The following KIAA1549L variants were observed in gnomAD, a reference collection of about 807,000 sequenced individuals.
KIAA1549L encodes KIAA1549 like.
In KIAA1549L, 88 loss-of-function variants were observed where a neutral mutation model predicts 160.7. The observed-to-expected ratio is 0.55, with a 90% confidence interval of 0.46 to 0.65. The LOEUF is 0.65. KIAA1549L is among the 30% of genes least tolerant of loss of function. The pLI is 0.00. For synonymous variants in KIAA1549L, 950 were observed against 976.7 expected (o/e 0.97, Z 0.51); for missense variants, 2,258 against 2,437.5 (o/e 0.93, Z 1.55).
intron 1 of KIAA1549L, among the ~76,000 whole-genome samples, chr11:33,386,161 A>G (rs1212330421): frequency 6.6e-6 from 1 of 152,204 alleles, no homozygotes; most frequent in Non-Finnish European, 1.5e-5. Context: ...TGATCCTGGC[A>G]TTGGAGGGAA....
intron 14 of KIAA1549L, among the ~76,000 whole-genome samples, chr11:33,608,124 TGCCTCAGGGGTTTGA>T (rs1447956736): frequency 6.6e-6 from 1 of 152,238 alleles, no homozygotes; most frequent in Non-Finnish European, 1.5e-5. Flanking sequence ...TCTCAAGCCA[TGCCTCAGGGGTTTGA>T]GCCTCAGATC....
At chr11:33,507,855 C>G (rs1444395155) in intron 1 of KIAA1549L, among the ~76,000 whole-genome samples, 1 of 152,206 alleles carries the variant, frequency 6.6e-6, no homozygotes, top group Non-Finnish European at 1.5e-5. Context: ...TGAATTCACT[C>G]TAGCTAGTTT....
intron 1 of KIAA1549L, among the ~76,000 whole-genome samples, chr11:33,387,420 C>T (rs1226721271): frequency 6.6e-6 from 1 of 152,126 alleles, no homozygotes; most frequent in Non-Finnish European, 1.5e-5. Flanking sequence ...ATTCTCCTGC[C>T]TCAGCCTCCC....
At chr11:33,483,445 T>G (rs1852455407) in intron 1 of KIAA1549L, among the ~76,000 whole-genome samples, 1 of 152,106 alleles carries the variant, frequency 6.6e-6, no homozygotes, top group African/African-American at 2.4e-5. Flanking sequence ...TGGTGGGCAT[T>G]ACACATATAT....
chr11:33,656,075 C>T lies in KIAA1549L; in HGVS notation c.5824C>T (p.Arg1942Trp), dbSNP rs766316206. The T allele has an allele frequency of 4.3e-6, 7 of 1,613,770 alleles. No homozygotes were observed. The highest frequency in any genetic ancestry group is 3.3e-4 in the Middle Eastern group (2 of 6,060). Reference protein sequence around the residue: ...MGSPPPPVPPRTGPVAVASLR... With the variant: ...MGSPPPPVPPWTGPVAVASLR... The stretch of plus-strand genomic sequence containing the variant: ...CTCACCGCCTCCACCCGTACCTCCC[C>T]GGACTGGTCCTGTGGCTGTCGCTTC... The change falls in exon 18 of 21, where the codon CGG becomes TGG. Residue 1942 changes from arginine (R) to tryptophan (W), a missense_variant. Physicochemically the swap from Arg to Trp is moderately radical, Grantham distance 101. Coordinates refer to ENST00000658780, the MANE Select transcript of KIAA1549L (RefSeq NM_012194.3).
chr11:33,637,701 C>T (rs775453198), intron 16 of KIAA1549L, among the ~76,000 whole-genome samples: 64 of 152,182 alleles, frequency 4.2e-4, no homozygotes, highest in Non-Finnish European at 8.7e-4. Context: ...TTATGAAAGG[C>T]CATCTCTTCC....
chr11:33,535,949 C>T (rs913192133), intron 1 of KIAA1549L, among the ~76,000 whole-genome samples: 1 of 152,216 alleles, frequency 6.6e-6, no homozygotes, highest in Non-Finnish European at 1.5e-5. Context: ...GTGTTTCTGT[C>T]TTATGGCCTT....
intron 1 of KIAA1549L, among the ~76,000 whole-genome samples, chr11:33,379,137 C>T (rs899160605): frequency 2.6e-5 from 4 of 152,184 alleles, no homozygotes; most frequent in Admixed American, 6.5e-5. Flanking sequence ...CATGGCTGCT[C>T]TCCCTTGTTG....
chr11:33,517,399 A>G (rs2133117658), intron 1 of KIAA1549L, among the ~76,000 whole-genome samples: 1 of 152,302 alleles, frequency 6.6e-6, no homozygotes, highest in African/African-American at 2.4e-5. Context: ...AGATGAAGGG[A>G]AACTTGCCAA....
chr11:33,492,654 G>A (rs1852708501), intron 1 of KIAA1549L, among the ~76,000 whole-genome samples: 1 of 152,196 alleles, frequency 6.6e-6, no homozygotes, highest in African/African-American at 2.4e-5. Flanking sequence ...AATCAGAGAT[G>A]TCAACAGCCT....
At chr11:33,525,835 C>T (rs1469472843) in intron 1 of KIAA1549L, among the ~76,000 whole-genome samples, 1 of 151,936 alleles carries the variant, frequency 6.6e-6, no homozygotes. Context: ...TGAGGCCTGT[C>T]ACTGCTGGCT....
intron 1 of KIAA1549L, among the ~76,000 whole-genome samples, chr11:33,408,487 G>GTGTATATATATATATATATATATACACA (rs1475275074): frequency 3.7e-5 from 4 of 107,064 alleles, no homozygotes; most frequent in Admixed American, 1.8e-4. Context: ...CTCTGTATAT[G>GTGTATATATATATATATATATATACACA]TGTATATATA....
intron 1 of KIAA1549L, among the ~76,000 whole-genome samples, chr11:33,400,965 C>T (rs78434535): frequency 0.017 from 2,583 of 152,210 alleles, 72 homozygotes; most frequent in African/African-American, 0.059. Flanking sequence ...GAACCCAAGG[C>T]CTGTGCTCCT....
intron 1 of KIAA1549L, among the ~76,000 whole-genome samples, chr11:33,463,786 G>A (rs1384429996): frequency 6.6e-6 from 1 of 152,272 alleles, no homozygotes; most frequent in East Asian, 1.9e-4. Context: ...CTATTTAGTG[G>A]CTCAGTAGCT....
At position 33,658,852 on chromosome 11, in the gene KIAA1549L, C is replaced by T. The variant is rs1205165207; in HGVS notation, c.5961C>T (p.Gly1987=). 3.2e-6 allele frequency: 5 copies of T among 1,562,670 alleles called. No homozygotes were observed. Among genetic ancestry groups the T allele is most frequent in the African/African-American group, 1.4e-5 (1 of 73,328 alleles). Residue 1987 remains glycine, a synonymous_variant, in exon 19 of 21, where the codon GGC becomes GGT. Transcript: ENST00000658780. ...CCTCCTTCACGCAGATGTCCAGAGG[C>T]CCTGTGTCCGTGACGCAGTTGGATC... ...DSASFTQMSR[G]PVSVTQLDQS... is the part of the protein sequence containing the mutation.
At position 33,561,656 on chromosome 11, in the gene KIAA1549L, A is replaced by G. The variant is rs989709531; in HGVS notation, c.4019-20A>G. On this transcript the variant is annotated intron_variant, in intron 7 of 20. Coordinates refer to ENST00000658780, the MANE Select transcript of KIAA1549L (RefSeq NM_012194.3). ...ATCAAACCTATAAAAGTAATTGGGT[A>G]TGTTTCTTATTTGTTTTAGCACTGG... The G allele has an allele frequency of 1.0e-5, 16 of 1,562,624 alleles. No homozygotes were observed. Among genetic ancestry groups the G allele is most frequent in the African/African-American group, 4.1e-5 (3 of 73,796 alleles).
chr11:33,534,802 G>A (rs1853856309), intron 1 of KIAA1549L, among the ~76,000 whole-genome samples: 1 of 152,048 alleles, frequency 6.6e-6, no homozygotes, highest in African/African-American at 2.4e-5. Context: ...CTGTCTTGAT[G>A]GCAAACTCTC....
intron 20 of KIAA1549L, among the ~76,000 whole-genome samples, chr11:33,667,659 G>T (rs1852517173): frequency 6.6e-6 from 1 of 152,186 alleles, no homozygotes; most frequent in South Asian, 2.1e-4. Context: ...CTTCCAAAGT[G>T]CCGGGATTAC....
chr11:33,431,509 A>G (rs1339603023), intron 1 of KIAA1549L, among the ~76,000 whole-genome samples: 2 of 152,164 alleles, frequency 1.3e-5, no homozygotes, highest in African/African-American at 2.4e-5. Flanking sequence ...GTAGCTAGAT[A>G]TAGAGTGTCG....
Sources: gnomAD v4.1 joint callset for allele counts (sites outside exome capture counted in the v4.1 genomes callset) on GRCh38, gnomAD v4.1.1 for gene constraint, MANE v1.5 for transcripts, NCBI Gene and HGNC (gene_info 2026-07-23, HGNC 2026-07-21) for gene names.